GCNT2: variants seen among roughly 807,000 people sequenced by gnomAD.
GCNT2 encodes N-acetyllactosaminide beta-1,6-N-acetylglucosaminyl-transferase.
A neutral mutation model predicts 34.2 loss-of-function variants in GCNT2; 34 were observed. That is an observed-to-expected ratio of 1.00 (90% CI 0.76 to 1.32). The LOEUF is 1.32. GCNT2 is among the 40% of genes most tolerant of loss of function. GCNT2 has a pLI of 0.00. For missense variants in GCNT2, 584 were observed against 489.4 expected (o/e 1.19, Z -1.82); for synonymous variants, 212 against 188.0 (o/e 1.13, Z -1.04).
intron 3 of GCNT2, among the ~76,000 whole-genome samples, chr6:10,608,305 G>A (rs756073443): frequency 2.6e-5 from 4 of 151,950 alleles, no homozygotes; most frequent in Non-Finnish European, 4.4e-5. Flanking sequence ...TCAAACTCCC[G>A]ACCTCAGGTG....
chr6:10,568,488 A>G (rs936022168), intron 3 of GCNT2, among the ~76,000 whole-genome samples: 2 of 151,798 alleles, frequency 1.3e-5, no homozygotes, highest in Non-Finnish European at 1.5e-5. Flanking sequence ...TGTCGGACCC[A>G]CTCCAAGTGG....
At chr6:10,570,491 G>A (rs933183978) in intron 3 of GCNT2, among the ~76,000 whole-genome samples, 2 of 152,304 alleles carry the variant, frequency 1.3e-5, no homozygotes, top group South Asian at 2.1e-4. Flanking sequence ...AGTCTTTCCC[G>A]AGTAAGCTGG....
chr6:10,606,900 T>G (rs1170902490), intron 3 of GCNT2, among the ~76,000 whole-genome samples: 1 of 152,012 alleles, frequency 6.6e-6, no homozygotes, highest in Non-Finnish European at 1.5e-5. Flanking sequence ...CCATTCCCAT[T>G]GCAATAAAGA....
intron 3 of GCNT2, among the ~76,000 whole-genome samples, chr6:10,594,651 T>C (rs76726315): frequency 1.3e-5 from 2 of 152,144 alleles, no homozygotes; most frequent in Non-Finnish European, 2.9e-5. Flanking sequence ...TGAACATTTA[T>C]TAAGAAAAAC....
chr6:10,524,741 A>T (rs1054055128), intron 1 of GCNT2, among the ~76,000 whole-genome samples: 3 of 152,014 alleles, frequency 2.0e-5, no homozygotes, highest in Non-Finnish European at 4.4e-5. Context: ...AGGCAGGAGA[A>T]TCACTTGAAC....
intron 3 of GCNT2, among the ~76,000 whole-genome samples, chr6:10,606,916 C>T (rs1161605011): frequency 6.6e-6 from 1 of 151,692 alleles, no homozygotes; most frequent in Non-Finnish European, 1.5e-5. Context: ...AAAGAAATAC[C>T]TGAGACTAGG....
At chr6:10,595,990 A>G (rs78781079) in intron 3 of GCNT2, among the ~76,000 whole-genome samples, 16,821 of 152,302 alleles carry the variant, frequency 0.11, 1,113 homozygotes, top group Middle Eastern at 0.17. Context: ...TCTCATAAAT[A>G]AGTAGCTTCC....
intron 3 of GCNT2, among the ~76,000 whole-genome samples, chr6:10,579,217 C>G (rs1328517938): frequency 6.6e-6 from 1 of 152,152 alleles, no homozygotes; most frequent in Non-Finnish European, 1.5e-5. Context: ...ATATTAACCT[C>G]TAGTCTTACA....
intron 3 of GCNT2, among the ~76,000 whole-genome samples, chr6:10,600,787 G>C (rs1054228728): frequency 2.6e-5 from 4 of 151,498 alleles, no homozygotes; most frequent in African/African-American, 7.3e-5. Flanking sequence ...TTTATTTAGA[G>C]ACAGCATCTC....
At chr6:10,576,687 G>A (rs1391930338) in intron 3 of GCNT2, among the ~76,000 whole-genome samples, 3 of 149,432 alleles carry the variant, frequency 2.0e-5, no homozygotes, top group Non-Finnish European at 4.5e-5. Flanking sequence ...GAGATTTGGG[G>A]AGAGAGAGAG....
chr6:10,568,325 A>C (rs1468536167), intron 3 of GCNT2, among the ~76,000 whole-genome samples: 1 of 152,008 alleles, frequency 6.6e-6, no homozygotes, highest in East Asian at 1.9e-4. Context: ...GCCATCCTTC[A>C]AGTCAGCCAA....
chr6:10,529,894 A>C (rs1761401161), intron 3 of GCNT2, 58 bp downstream of exon 3: 1 of 1,328,880 alleles, frequency 7.5e-7, no homozygotes, highest in Non-Finnish European at 1.1e-6. Flanking sequence ...TCAATACTAA[A>C]TAAGTTGCTT....
chr6:10,611,089 A>G (rs1255594490), intron 3 of GCNT2, among the ~76,000 whole-genome samples: 1 of 152,152 alleles, frequency 6.6e-6, no homozygotes, highest in East Asian at 1.9e-4. Flanking sequence ...TTCTCGTGTT[A>G]AAAATCCTAA....
chr6:10,591,533 A>G (rs1764640976), intron 3 of GCNT2, among the ~76,000 whole-genome samples: 2 of 152,340 alleles, frequency 1.3e-5, no homozygotes, highest in South Asian at 4.1e-4. Flanking sequence ...CCACACAGCC[A>G]ACCTGGGCCC....
At chr6:10,589,172 T>C (rs909913769) in intron 3 of GCNT2, among the ~76,000 whole-genome samples, 15 of 110,390 alleles carry the variant, frequency 1.4e-4, no homozygotes, top group Non-Finnish European at 1.9e-4. Context: ...GTGGTGTGTG[T>C]GTGGTGTATG....
intron 3 of GCNT2, among the ~76,000 whole-genome samples, chr6:10,609,528 A>G (rs1209328860): frequency 1.3e-5 from 2 of 152,294 alleles, no homozygotes; most frequent in East Asian, 1.9e-4. Context: ...CAACACATGA[A>G]TTTTGGGGGA....
At chr6:10,551,305 A>G (rs1368054154) in intron 3 of GCNT2, among the ~76,000 whole-genome samples, 2 of 152,118 alleles carry the variant, frequency 1.3e-5, no homozygotes, top group African/African-American at 4.8e-5. Context: ...GGTGCAGATT[A>G]CACCAGCTCA....
intron 3 of GCNT2, among the ~76,000 whole-genome samples, chr6:10,610,466 G>A (rs1182804419): frequency 6.6e-6 from 1 of 152,176 alleles, no homozygotes; most frequent in Non-Finnish European, 1.5e-5. Flanking sequence ...GGCGGCCAAT[G>A]GACCATGTCA....
intron 3 of GCNT2, chr6:10,556,306 C>T: frequency 6.4e-7 from 1 of 1,554,444 alleles, no homozygotes; most frequent in Non-Finnish European, 8.6e-7. Context: ...CCAGCGTCTC[C>T]AACAGGGCAG....
Sources: gnomAD v4.1 joint callset for allele counts (sites outside exome capture counted in the v4.1 genomes callset) on GRCh38, gnomAD v4.1.1 for gene constraint, MANE v1.5 for transcripts, NCBI Gene and HGNC (gene_info 2026-07-23, HGNC 2026-07-21) for gene names.